Variants in SNX24 observed in about 807,000 individuals in gnomAD.
SNX24 encodes the protein sorting nexin-24.
SNX24 carries 22 observed loss-of-function variants against 28.7 expected under a neutral mutation model. The ratio of observed to expected loss-of-function variants is 0.77; its 90% CI spans 0.55 to 1.10. SNX24 has a LOEUF of 1.10. Among genes scored for constraint, SNX24 ranks in the 50% least tolerant of loss-of-function variants. The pLI, the probability that SNX24 is intolerant of heterozygous loss-of-function variation, is 0.00. For missense variants in SNX24, 221 were observed against 201.1 expected, an observed-to-expected ratio of 1.10 and a Z score of -0.60; for synonymous variants, 69 against 71.5, an observed-to-expected ratio of 0.96 and a Z score of 0.18.
At chr5:122,906,749 C>G (rs1404762951) in intron 1 of SNX24, among the ~76,000 whole-genome samples, 1 of 152,222 alleles carries the variant, frequency 6.6e-6, no homozygotes, top group East Asian at 1.9e-4. Flanking sequence ...CTCAGGTGAT[C>G]CGCCCGCCTC....
At chr5:122,922,327 A>G (rs910476727) in intron 1 of SNX24, among the ~76,000 whole-genome samples, 2 of 152,152 alleles carry the variant, frequency 1.3e-5, no homozygotes, top group Admixed American at 6.5e-5. Context: ...ATCTCAGCTC[A>G]CTGCAACTTC....
chr5:122,934,494 G>C (rs563846474), intron 1 of SNX24, among the ~76,000 whole-genome samples: 45 of 152,142 alleles, frequency 3.0e-4, no homozygotes, highest in Middle Eastern at 3.4e-3. Context: ...CAAGCAGCTG[G>C]ATCTACAGGC....
At chr5:122,942,135 G>A (rs901817788) in intron 2 of SNX24, among the ~76,000 whole-genome samples, 9 of 152,192 alleles carry the variant, frequency 5.9e-5, no homozygotes, top group African/African-American at 2.2e-4. Flanking sequence ...AAACTGCTAA[G>A]CACATTTTAT....
intron 4 of SNX24, among the ~76,000 whole-genome samples, chr5:123,001,167 A>G (rs1025608663): frequency 6.6e-6 from 1 of 152,212 alleles, no homozygotes; most frequent in Admixed American, 6.5e-5. Flanking sequence ...GCCCAAAAGT[A>G]GTAATAAAAC....
rs1318336291 is a variant in SNX24, at chr5:122,997,629, T to G, written c.250-2283T>G. Among the ~76,000 whole-genome samples, 4 of 152,316 alleles carry G rather than the reference T, an allele frequency of 2.6e-5. No individual in the cohort carries two copies. The East Asian group carries it at 7.7e-4, about 29-fold the overall frequency. On this transcript the variant is annotated intron_variant, in intron 3 of 6. Coordinates refer to ENST00000261369, the MANE Select transcript of SNX24 (RefSeq NM_014035.4). Reference sequence around the variant, plus strand: ...TAAATCTTGCATTAATAAACCTAAGTAACCCCCTGAACACTCAAGAGATGT... The same window carrying G: ...TAAATCTTGCATTAATAAACCTAAGGAACCCCCTGAACACTCAAGAGATGT...
chr5:122,917,974 G>A (rs1028837873), intron 1 of SNX24, among the ~76,000 whole-genome samples: 1 of 152,180 alleles, frequency 6.6e-6, no homozygotes, highest in Non-Finnish European at 1.5e-5. Flanking sequence ...CATCTACTCA[G>A]GAGGCTGAGG....
intron 1 of SNX24, among the ~76,000 whole-genome samples, chr5:122,897,524 G>A (rs1007010901): frequency 1.3e-5 from 2 of 152,132 alleles, no homozygotes; most frequent in Admixed American, 6.5e-5. Context: ...CACTCTCCTA[G>A]GATAGAACTA....
chr5:122,922,732 T>C (rs1343113156), intron 1 of SNX24, among the ~76,000 whole-genome samples: 1 of 152,174 alleles, frequency 6.6e-6, no homozygotes, highest in African/African-American at 2.4e-5. Context: ...TTTACTCGGC[T>C]TTATTCTCCC....
At chr5:122,866,744 C>T (rs1225272006) in intron 1 of SNX24, among the ~76,000 whole-genome samples, 1 of 152,188 alleles carries the variant, frequency 6.6e-6, no homozygotes, top group East Asian at 1.9e-4. Flanking sequence ...CAGGATCAGT[C>T]ACCCCAGCCA....
At chr5:123,000,589 C>T (rs561441491) in intron 4 of SNX24, among the ~76,000 whole-genome samples, 14 of 152,300 alleles carry the variant, frequency 9.2e-5, no homozygotes, top group African/African-American at 3.1e-4. Flanking sequence ...ATCCTAATCC[C>T]TATCTATTGG....
intron 2 of SNX24, among the ~76,000 whole-genome samples, chr5:122,944,716 A>C (rs1283905735): frequency 6.6e-6 from 1 of 152,196 alleles, no homozygotes; most frequent in African/African-American, 2.4e-5. Flanking sequence ...TAGCCAGTAC[A>C]TGGGCCCCTT....
chr5:123,022,655 T>C (rs956163401), intron 5 of SNX24: 1 of 152,270 alleles, frequency 6.6e-6, no homozygotes, highest in Non-Finnish European at 1.5e-5. Flanking sequence ...GGCCACCATA[T>C]TGATGCCAAA....
intron 3 of SNX24, among the ~76,000 whole-genome samples, chr5:122,946,372 A>C (rs1759685516): frequency 6.6e-6 from 1 of 152,180 alleles, no homozygotes; most frequent in Non-Finnish European, 1.5e-5. Flanking sequence ...GGGGAAGTGA[A>C]ATTTCAATAA....
At chr5:122,974,697 T>C (rs1263131088) in intron 3 of SNX24, among the ~76,000 whole-genome samples, 2 of 150,126 alleles carry the variant, frequency 1.3e-5, no homozygotes, top group Non-Finnish European at 3.0e-5. Context: ...AATAGGAGAG[T>C]TGAATGGATA....
At chr5:122,890,989 G>C in intron 1 of SNX24, 1 of 1,419,672 alleles carries the variant, frequency 7.0e-7, no homozygotes, top group Non-Finnish European at 9.2e-7. Context: ...AGAGTATGAA[G>C]TGAAAACCCA....
chr5:122,922,980 A>G (rs1321396272), intron 1 of SNX24, among the ~76,000 whole-genome samples: 4 of 152,134 alleles, frequency 2.6e-5, no homozygotes, highest in East Asian at 1.9e-4. Flanking sequence ...TTTTTAAACC[A>G]TGCATATCCT....
At chr5:122,920,260 T>C (rs957561767) in intron 1 of SNX24, among the ~76,000 whole-genome samples, 1 of 152,132 alleles carries the variant, frequency 6.6e-6, no homozygotes, top group African/African-American at 2.4e-5. Context: ...TTGTTAGAGC[T>C]CTCTGATTTC....
At chr5:123,007,659 C>CTTTTTTTTTTTTTTTTTTT in intron 6 of SNX24, 23 bp from the exon 7 acceptor site, 14 of 1,153,110 alleles carry the variant, frequency 1.2e-5, no homozygotes, top group South Asian at 3.1e-5. Flanking sequence ...TTTTTTTTTT[C>CTTTTTTTTTTTTTTTTTTT]TTTTTTTTTT....
intron 5 of SNX24, among the ~76,000 whole-genome samples, chr5:123,017,172 G>A (rs1346814699): frequency 6.6e-6 from 1 of 151,970 alleles, no homozygotes; most frequent in African/African-American, 2.4e-5. Context: ...ATTGCTTCAT[G>A]GGGCCCCAGG....
Sources: gnomAD v4.1 joint callset for allele counts (sites outside exome capture counted in the v4.1 genomes callset) on GRCh38, gnomAD v4.1.1 for gene constraint, MANE v1.5 for transcripts, NCBI Gene and HGNC (gene_info 2026-07-23, HGNC 2026-07-21) for gene names.